Variants in TTN observed in about 807,000 individuals in gnomAD.
TTN encodes the protein connectin.
TTN carries 1,525 observed loss-of-function variants against 3,223.0 expected under a neutral mutation model. The ratio of observed to expected loss-of-function variants is 0.47; its 90% confidence interval spans 0.45 to 0.49. The LOEUF is 0.49. Among genes scored for constraint, TTN ranks in the 20% least tolerant of loss-of-function variants. The pLI, the probability that TTN is intolerant of heterozygous loss-of-function variation, is 0.00. For synonymous variants in TTN, 14,094 were observed against 15,161.0 expected (o/e 0.93, Z 5.17); for missense variants, 40,786 against 43,424.0 (o/e 0.94, Z 5.40).
chr2:178,767,916 A>G lies in TTN; in HGVS notation c.9314T>C (p.Ile3105Thr), dbSNP rs753742861. 5.0e-6 allele frequency: 8 copies of G among 1,614,060 alleles called. No homozygotes were observed. Among genetic ancestry groups the G allele is most frequent in the Non-Finnish European group, 6.8e-6 (8 of 1,180,002 alleles). The stretch of plus-strand genomic sequence containing the variant: ...GCGGTGGACATATTTCTCCTTCTGA[A>G]TCTTTATTCTATGGATGAAATGGAA... Reference protein sequence around the residue: ...QELQITDRIKIQKEKYVHRLL... With the variant: ...QELQITDRIKTQKEKYVHRLL... Residue 3105 changes from isoleucine (I) to threonine (T), a missense_variant, in exon 40 of 363, where the codon ATT becomes ACT. Physicochemically the swap from Ile to Thr is moderately conservative, Grantham distance 89. Transcript: ENST00000589042.
rs776799144 is a variant in TTN, at chr2:178,714,152, G to A, written c.26506C>T (p.Pro8836Ser). ...VLEPATIVEKPESIKVTTGDT... is the reference protein window; with the variant it reads ...VLEPATIVEKSESIKVTTGDT... ...CCCGTGGTAACTTTTATGGATTCTG[G>A]CTTTTCTACAATTGTTGCAGGCTCT... Residue 8836 changes from proline to serine, a missense_variant, in exon 92 of 363, where the codon CCA becomes TCA. Transcript: ENST00000589042. 22 of 1,611,400 alleles carry A rather than the reference G, an allele frequency of 1.4e-5. No individual in the cohort carries two copies. The Admixed American group carries it at 2.3e-4, about 17-fold the overall frequency.
At position 178,774,105 on chromosome 2, in the gene TTN, G is replaced by T; in HGVS notation, c.7063C>A (p.Pro2355Thr). The T allele has an allele frequency of 6.2e-7, 1 of 1,614,052 alleles. No homozygotes were observed. The highest frequency in any genetic ancestry group is 8.5e-7 in the Non-Finnish European group (1 of 1,179,976). Residue 2355 changes from proline (P) to threonine (T), a missense_variant, in exon 31 of 363, where the codon CCC becomes ACC. Coordinates refer to ENST00000589042, the MANE Select transcript of TTN (RefSeq NM_001267550.2). The stretch of plus-strand genomic sequence containing the variant: ...CTAAGTCCTTGTAGGATAGCAATGG[G>T]GCGGGCTGTGAAATATGGGGAGAAA... ...TTCKLKMKPR[P>T]IAILQGLSDQ... is the part of the protein sequence containing the mutation.
Position 178,652,464 on chromosome 2 carries a change from C to A in TTN, c.39121G>T (p.Val13041Phe). ...APPKKPEVTP[V>F]KVPEAPKEVV... ...TAAAATCAGTGACAAATACCTTTAA[C>A]AGGTGTGACTTCAGGCTTTTTAGGA... Residue 13041 changes from valine (V) to phenylalanine (F), a missense_variant, in exon 202 of 363, where the codon GTT becomes TTT. Transcript: ENST00000589042. 6.2e-7 allele frequency: 1 copy of A among 1,612,076 alleles called. No individual in the cohort carries two copies. Among genetic ancestry groups the A allele is most frequent in the Non-Finnish European group, 8.5e-7 (1 of 1,179,156 alleles).
chr2:178,596,371 C>G (rs2051620544), intron 294 of TTN, among the ~76,000 whole-genome samples: 2 of 152,038 alleles, frequency 1.3e-5, no homozygotes, highest in South Asian at 4.2e-4. Context: ...AATAAAAATG[C>G]TTTTTAAAAG....
chr2:178,769,810 C>G lies in TTN; in HGVS notation c.8771G>C (p.Ser2924Thr), dbSNP rs745523949. The change falls in exon 37 of 363, where the codon AGT (serine) becomes ACT (threonine). Residue 2924 changes from serine (S) to threonine (T), a missense_variant. By Grantham distance (58) the Ser-to-Thr change is moderately conservative. Transcript: ENST00000589042. Reference sequence around the variant, plus strand: ...CTGCACAACTATCTTGAACTTTTCACTCATCTCAATTTCCACACCATTCTT... The same window carrying G: ...CTGCACAACTATCTTGAACTTTTCAGTCATCTCAATTTCCACACCATTCTT... The part of the protein sequence containing the change: ...WLKNGVEIEM[S>T]EKFKIVVQGK... The G allele has an allele frequency of 6.2e-7, 1 of 1,614,060 alleles. No individual in the cohort carries two copies. Among genetic ancestry groups the G allele is most frequent in the Non-Finnish European group, 8.5e-7 (1 of 1,180,000 alleles).
intron 274 of TTN, 21 bp downstream of exon 274, chr2:178,608,585 T>C (rs550987603): frequency 1.2e-6 from 2 of 1,601,354 alleles, no homozygotes; most frequent in Admixed American, 1.7e-5. Flanking sequence ...AGGCAAACTT[T>C]AGATGCCAAA....
rs751627987 is a variant in TTN, at chr2:178,599,160, G to A, written c.56633C>T (p.Ala18878Val). Reference protein sequence around the residue: ...GEPLDSEPETARNLFSVPGAP... With the variant: ...GEPLDSEPETVRNLFSVPGAP... The stretch of plus-strand genomic sequence containing the variant: ...CTCCTACTTACAGAAGAGGTTTCTT[G>A]CTGTTTCAGGTTCACTGTCAAGAGG... The change falls in exon 290 of 363, where the codon GCA becomes GTA. Residue 18878 changes from alanine (A) to valine (V), a missense_variant. Transcript: ENST00000589042. The A allele has an allele frequency of 3.3e-6, 5 of 1,505,742 alleles. No individual in the cohort carries two copies. In the South Asian group the frequency reaches 7.2e-5, roughly 22 times the overall value. The allele number at this position is 1,505,742 out of a possible 1,614,324, so 93.3% of individuals were successfully genotyped here.
rs2077961175 is a variant in TTN at position 178,719,197 on chromosome 2, A to G, written c.24193T>C (p.Ser8065Pro). 6.2e-7 allele frequency: 1 copy of G among 1,613,698 alleles called. No homozygotes were observed. Among genetic ancestry groups the G allele is most frequent in the African/African-American group, 1.3e-5 (1 of 75,018 alleles). The part of the protein sequence containing the change: ...YTCVAANVAG[S>P]DECSAVLTVQ... ...GTCAGGACTGCTGAGCACTCATCGG[A>G]ACCAGCTACATTGGCAGCCACACAC... The change falls in exon 83 of 363, where the codon TCC (serine) becomes CCC (proline). Residue 8065 changes from serine to proline, a missense_variant. Transcript: ENST00000589042.
In TTN at chr2:178,578,735, G is replaced by C. The variant is rs1332304533; in HGVS notation, c.68225-20C>G. ...GCACATCTAGAAAAAAGTAGATAAT[G>C]CAAGATTTATAATAAGAAGCCTCCT... On this transcript the variant is annotated intron_variant, in intron 320 of 362. Transcript: ENST00000589042. The C allele has an allele frequency of 1.2e-6, 2 of 1,605,028 alleles. No individual in the cohort carries two copies. Among genetic ancestry groups the C allele is most frequent in the South Asian group, 1.1e-5 (1 of 88,660 alleles).
intron 21 of TTN, among the ~76,000 whole-genome samples, chr2:178,780,410 T>G (rs943093223): frequency 2.0e-5 from 3 of 152,220 alleles, no homozygotes; most frequent in African/African-American, 7.2e-5. Context: ...CCATTACAAT[T>G]GTAGAAAGAA....
rs2048118319 is a variant in TTN, at chr2:178,582,949, T to C, written c.65854A>G (p.Lys21952Glu). 2.0e-6 allele frequency: 3 copies of C among 1,525,022 alleles called. No homozygotes were observed. Among genetic ancestry groups the C allele is most frequent in the East Asian group, 4.6e-5 (2 of 43,412 alleles). 94.5% of individuals were successfully genotyped at this position (1,525,022 alleles called of 1,614,324 possible). A position where few individuals can be genotyped will look rare whatever the true frequency, so the allele number is the denominator to read the frequency against. Residue 21952 changes from lysine to glutamate, a missense_variant, in exon 313 of 363, where the codon AAA (lysine) becomes GAA (glutamate). By Grantham distance (56) the Lys-to-Glu change is moderately conservative (BLOSUM62 1). Transcript: ENST00000589042. ...GAAGTTTATTAGTTACCTAACACTTTAAGCTTAATGGTGGCTGATTTAGAA... is the reference window on the plus strand; with the variant it reads ...GAAGTTTATTAGTTACCTAACACTTCAAGCTTAATGGTGGCTGATTTAGAA... ...SGSKSATIKLKVLDKPGPPAS... is the reference protein window; with the variant it reads ...SGSKSATIKLEVLDKPGPPAS...
intron 129 of TTN, 79 bp downstream of exon 129, chr2:178,685,147 TAGACAGTTATGCAAATTGTTATGCATA>T (rs1473024316): frequency 8.3e-7 from 1 of 1,202,694 alleles, no homozygotes; most frequent in Non-Finnish European, 1.2e-6. Flanking sequence ...TGACAAAACG[TAGACAGTTATGCAAATTGTTATGCATA>T]AGACAGTTAT....
At position 178,614,501 on chromosome 2, in the gene TTN, CCA is replaced by C. The variant is rs756506700; in HGVS notation, c.49011_49012del (p.Cys16337TrpfsTer14). The C allele has an allele frequency of 6.2e-7, 1 of 1,610,902 alleles. No homozygotes were observed. The highest frequency in any genetic ancestry group is 1.1e-5 in the South Asian group (1 of 90,706). ...CACTTCCACCACAGCAGTGGCCCGG[CCA>C]CACACATTCACAGCCTCAATGATAT... On this transcript the variant is annotated frameshift_variant, in exon 261 of 363. Coordinates refer to ENST00000589042, the MANE Select transcript of TTN (RefSeq NM_001267550.2). LOFTEE classifies it high-confidence loss of function.
Position 178,786,676 on chromosome 2 carries a change from G to A in TTN, c.2077-535C>T, listed in dbSNP as rs571799472. On this transcript the variant is annotated intron_variant, in intron 13 of 362. Transcript: ENST00000589042. ...ACATGAAAGCTCACAAACACAGAGT[G>A]AGCATATGAATTTACTTATGATTCC... 2.0e-5 allele frequency among the ~76,000 whole-genome samples: 3 copies of A among 152,292 alleles called. No individual in the cohort carries two copies. The South Asian group carries it at 6.2e-4, about 32-fold the overall frequency.
Position 178,574,194 on chromosome 2 carries a change from A to G in TTN, c.71938T>C (p.Leu23980=), listed in dbSNP as rs1709260400. The change falls in exon 326 of 363, where the codon TTG becomes CTG. Residue 23980 remains leucine, a synonymous_variant. Coordinates refer to ENST00000589042, the MANE Select transcript of TTN (RefSeq NM_001267550.2). ...RWLKANFSNI[L]ENEFTVSGLT... ...CCACTGACTGTAAATTCATTCTCCA[A>G]AATGTTGCTGAAGTTGGCCTTCAGC... 6.2e-7 allele frequency: 1 copy of G among 1,613,342 alleles called. No individual in the cohort carries two copies. The highest frequency in any genetic ancestry group is 8.5e-7 in the Non-Finnish European group (1 of 1,179,608).
In TTN at chr2:178,536,261, G is replaced by T. The variant is rs1691443829; in HGVS notation, c.100486C>A (p.Pro33496Thr). ...TPKSDVPIQAPHFKEELRNLN... is the reference protein window; with the variant it reads ...TPKSDVPIQATHFKEELRNLN... Reference sequence around the variant, plus strand: ...TTTCTCAGTTCCTCTTTAAAGTGTGGTGCCTGAATTGGGACATCAGATTTG... The same window carrying T: ...TTTCTCAGTTCCTCTTTAAAGTGTGTTGCCTGAATTGGGACATCAGATTTG... The change falls in exon 357 of 363, where the codon CCA (proline) becomes ACA (threonine). Residue 33496 changes from proline to threonine, a missense_variant. Physicochemically the swap from Pro to Thr is conservative, Grantham distance 38 (BLOSUM62 -1). Transcript: ENST00000589042. The T allele has an allele frequency of 6.2e-7, 1 of 1,613,572 alleles. No homozygotes were observed. Among genetic ancestry groups the T allele is most frequent in the Non-Finnish European group, 8.5e-7 (1 of 1,179,716 alleles).
chr2:178,637,508 T>A, intron 223 of TTN, 89 bp from the exon 224 acceptor site: 1 of 687,638 alleles, frequency 1.5e-6, no homozygotes. Context: ...TCATGCTCCA[T>A]TATAAATATT....
chr2:178,790,933 G>A (rs2093456637), intron 10 of TTN, 88 bp from the exon 11 acceptor site: 3 of 1,499,524 alleles, frequency 2.0e-6, no homozygotes, highest in Non-Finnish European at 2.7e-6. Context: ...GAAAATACAG[G>A]ATGCTTAGTG....
At chr2:178,708,984 T>C (rs1001195791) in intron 99 of TTN, among the ~76,000 whole-genome samples, 6 of 152,230 alleles carry the variant, frequency 3.9e-5, no homozygotes, top group African/African-American at 1.4e-4. Context: ...CAAGCGATGA[T>C]TGTGTATTTA....
Sources: allele counts gnomAD v4.1 joint callset (sites outside exome capture counted in the v4.1 genomes callset), GRCh38; gene constraint gnomAD v4.1.1; transcripts MANE v1.5; gene names NCBI Gene and HGNC (gene_info 2026-07-23, HGNC 2026-07-21).